The following QPCT variants were observed in gnomAD, a reference collection of about 807,000 sequenced individuals.
QPCT encodes EC.
Under a neutral mutation model 43.4 loss-of-function variants are expected in QPCT, and 44 were observed. The observed-to-expected ratio is 1.01, with a 90% CI of 0.80 to 1.30. QPCT has a LOEUF of 1.30. Ranked by LOEUF, QPCT falls within the 50% of genes most tolerant of loss-of-function variation. The pLI is 0.00. For synonymous variants in QPCT, 168 were observed against 168.4 expected, an observed-to-expected ratio of 1.00 and a Z score of 0.02; for missense variants, 526 against 436.5, an observed-to-expected ratio of 1.21 and a Z score of -1.83.
chr2:37,367,669 C>T (rs1401814799), intron 4 of QPCT, among the ~76,000 whole-genome samples: 3 of 151,972 alleles, frequency 2.0e-5, no homozygotes, highest in Non-Finnish European at 2.9e-5. Flanking sequence ...CCCAGGAGTT[C>T]GAGACCAGAC....
intron 1 of QPCT, among the ~76,000 whole-genome samples, chr2:37,347,746 C>A (rs1419839184): frequency 6.6e-6 from 1 of 152,164 alleles, no homozygotes; most frequent in Non-Finnish European, 1.5e-5. Context: ...CAGGCCCATT[C>A]CTTTAGTACA....
At position 37,345,194 on chromosome 2, in the gene QPCT, C is replaced by A. The variant is rs534198141; in HGVS notation, c.120+343C>A. On this transcript the variant is annotated intron_variant, in intron 1 of 6. Transcript: ENST00000338415. ...GAGGGCGCATCGCGGCGCCACCCCC[C>A]ACTCGGGACCCTGGAGGGCAACGGG... is the stretch of plus-strand genomic sequence containing the variant. Among the ~76,000 whole-genome samples the A allele has an allele frequency of 1.8e-4, 28 of 152,310 alleles. No homozygotes were observed. In the South Asian group the frequency reaches 3.7e-3, roughly 20 times the overall value.
chr2:37,357,199 A>G (rs1221657458), intron 2 of QPCT, among the ~76,000 whole-genome samples: 1 of 151,872 alleles, frequency 6.6e-6, no homozygotes, highest in Non-Finnish European at 1.5e-5. Context: ...TCATTTTGTG[A>G]GCTTGCAATC....
chr2:37,371,516 T>TTGGTGGTA (rs1011121947), intron 5 of QPCT, among the ~76,000 whole-genome samples: 18 of 152,124 alleles, frequency 1.2e-4, no homozygotes, highest in Middle Eastern at 3.4e-3. Flanking sequence ...AATATTGTTT[T>TTGGTGGTA]TGGTGGTAGT....
rs1672984560 is a variant in QPCT, at chr2:37,367,406, A to G, written c.721A>G (p.Met241Val). The G allele has an allele frequency of 8.1e-6, 13 of 1,613,000 alleles. No individual in the cohort carries two copies. The highest frequency in any genetic ancestry group is 1.1e-5 in the Non-Finnish European group (13 of 1,179,592). ...GAGAGGCACCAGCCAACTGCATGGC[A>G]TGGTTAGTCTGGGCAATTTCCCTAG... ...GARGTSQLHGMDLLVLLDLIG... is the reference protein window; with the variant it reads ...GARGTSQLHGVDLLVLLDLIG... Residue 241 changes from methionine (M) to valine (V), a missense_variant and splice_region_variant, in exon 4 of 7, where the codon ATG becomes GTG. Physicochemically the swap from Met to Val is conservative, Grantham distance 21. Coordinates refer to ENST00000338415, the MANE Select transcript of QPCT (RefSeq NM_012413.4).
rs373376824 is a variant in QPCT at position 37,369,737 on chromosome 2, A to G, written c.776A>G (p.Asn259Ser). 9.9e-6 allele frequency: 16 copies of G among 1,609,480 alleles called. No individual in the cohort carries two copies. The highest frequency in any genetic ancestry group is 5.0e-5 in the Admixed American group (3 of 60,000). The change falls in exon 5 of 7, where the codon AAT becomes AGT. Residue 259 changes from asparagine to serine, a missense_variant. Coordinates refer to ENST00000338415, the MANE Select transcript of QPCT (RefSeq NM_012413.4). ...LIGAPNPTFP[N>S]FFPNSARWFE... is the part of the protein sequence containing the mutation. ...GGAGCTCCAAACCCAACGTTTCCCA[A>G]TTTTTTTCCAAACTCAGCCAGGTGG...
Position 37,372,832 on chromosome 2 carries a change from C to G in QPCT, c.*5C>G, listed in dbSNP as rs201895465. On this transcript the variant is annotated 3_prime_UTR_variant, in exon 7 of 7. Coordinates refer to ENST00000338415, the MANE Select transcript of QPCT (RefSeq NM_012413.4). ...TTGGAATATCTTCATTTGTAATACT[C>G]TGATTTAGTTTAGGATAATTGGTTC... 2 of 1,599,384 alleles carry G rather than the reference C, an allele frequency of 1.3e-6. No individual in the cohort carries two copies. The highest frequency in any genetic ancestry group is 1.7e-6 in the Non-Finnish European group (2 of 1,171,904).
At chr2:37,368,451 C>A (rs988148062) in intron 4 of QPCT, 15 of 359,850 alleles carry the variant, frequency 4.2e-5, no homozygotes, top group African/African-American at 3.0e-4. Context: ...GTGCCTTCAT[C>A]CCTCCCTGAC....
intron 2 of QPCT, among the ~76,000 whole-genome samples, chr2:37,353,951 A>C (rs1572730286): frequency 1.3e-5 from 2 of 151,710 alleles, no homozygotes; most frequent in Non-Finnish European, 2.9e-5. Context: ...TGCAACCTCC[A>C]CCTCCTGGGT....
At position 37,364,665 on chromosome 2, in the gene QPCT, T is replaced by C. The variant is rs146881617; in HGVS notation, c.547-2567T>C. On this transcript the variant is annotated intron_variant, in intron 3 of 6. Coordinates refer to ENST00000338415, the MANE Select transcript of QPCT (RefSeq NM_012413.4). ...GACAGATCCCCACTGGTTTTTGGTC[T>C]GAGTAACTGCAAGGGGGGTTTTGCC... 3.5e-3 allele frequency among the ~76,000 whole-genome samples: 539 copies of C among 152,268 alleles called. 3 individuals are homozygous for C. The highest frequency in any genetic ancestry group is 0.012 in the African/African-American group (511 of 41,546).
At chr2:37,356,390 C>A (rs938329183) in intron 2 of QPCT, among the ~76,000 whole-genome samples, 4 of 152,148 alleles carry the variant, frequency 2.6e-5, no homozygotes, top group Non-Finnish European at 4.4e-5. Flanking sequence ...TGTATAGCAA[C>A]CCAAAGTGTG....
rs755212233 is a variant in QPCT, at chr2:37,367,384, A to C, written c.699A>C (p.Arg233Ser). The change falls in exon 4 of 7, where the codon AGA becomes AGC. Residue 233 changes from arginine to serine, a missense_variant. By Grantham distance (110) the Arg-to-Ser change is moderately radical. Transcript: ENST00000338415. ...CGACCCCGCACCCACCTGGAGCGAG[A>C]GGCACCAGCCAACTGCATGGCATGG... ...MASTPHPPGARGTSQLHGMDL... is the reference protein window; with the variant it reads ...MASTPHPPGASGTSQLHGMDL... The C allele has an allele frequency of 2.5e-6, 4 of 1,613,676 alleles. No individual in the cohort carries two copies. Among genetic ancestry groups the C allele is most frequent in the Non-Finnish European group, 3.4e-6 (4 of 1,179,832 alleles).
chr2:37,357,962 C>G (rs1254781044), intron 2 of QPCT, among the ~76,000 whole-genome samples: 1 of 152,100 alleles, frequency 6.6e-6, no homozygotes, highest in Non-Finnish European at 1.5e-5. Context: ...TCTAAACTGT[C>G]TAGATCTGAA....
intron 5 of QPCT, among the ~76,000 whole-genome samples, chr2:37,371,993 T>C (rs1274093550): frequency 6.6e-6 from 1 of 152,214 alleles, no homozygotes; most frequent in Non-Finnish European, 1.5e-5. Flanking sequence ...GCATTCTTCA[T>C]GCAGCATCTT....
At chr2:37,372,084 T>C (rs72866719) in intron 5 of QPCT, among the ~76,000 whole-genome samples, 17,527 of 152,122 alleles carry the variant, frequency 0.12, 1,707 homozygotes, top group East Asian at 0.41. Context: ...CTCTATCTCT[T>C]CACTGTTCTG....
chr2:37,346,207 C>T (rs2124929036), intron 1 of QPCT, among the ~76,000 whole-genome samples: 1 of 152,274 alleles, frequency 6.6e-6, no homozygotes, highest in East Asian at 1.9e-4. Flanking sequence ...CACAGCAGGC[C>T]CCACTTACAC....
intron 3 of QPCT, among the ~76,000 whole-genome samples, chr2:37,363,285 G>T (rs1672890766): frequency 6.6e-6 from 1 of 152,052 alleles, no homozygotes; most frequent in Non-Finnish European, 1.5e-5. Flanking sequence ...TCTTTAACAT[G>T]AATGAACACA....
At position 37,372,733 on chromosome 2, in the gene QPCT, C is replaced by G. The variant is rs1418843821; in HGVS notation, c.992C>G (p.Thr331Ser). 6.2e-7 allele frequency: 1 copy of G among 1,613,450 alleles called. No homozygotes were observed. Among genetic ancestry groups the G allele is most frequent in the South Asian group, 1.1e-5 (1 of 91,016 alleles). Residue 331 changes from threonine (T) to serine (S), a missense_variant, in exon 7 of 7, where the codon ACC becomes AGC. Coordinates refer to ENST00000338415, the MANE Select transcript of QPCT (RefSeq NM_012413.4). The stretch of plus-strand genomic sequence containing the variant: ...TCTCCTTTCCCTGAAGTCTGGCACA[C>G]CATGGATGACAATGAAGAAAATTTG... ...IPSPFPEVWH[T>S]MDDNEENLDE...
At chr2:37,351,236 G>T (rs576980089) in intron 1 of QPCT, among the ~76,000 whole-genome samples, 7 of 152,198 alleles carry the variant, frequency 4.6e-5, no homozygotes, top group Admixed American at 1.3e-4. Context: ...CCTAATTTCT[G>T]TTTTGCCTTC....
Sources: gnomAD v4.1 joint callset for allele counts (sites outside exome capture counted in the v4.1 genomes callset) on GRCh38, gnomAD v4.1.1 for gene constraint, MANE v1.5 for transcripts, NCBI Gene and HGNC (gene_info 2026-07-23, HGNC 2026-07-21) for gene names.